The following ATE1 variants were observed in gnomAD, a reference collection of about 807,000 sequenced individuals.
ATE1 encodes the protein arginyltransferase 1, also known as arginyl-tRNA--protein transferase 1.
A neutral mutation model predicts 70.5 loss-of-function variants in ATE1; 36 were observed. The observed-to-expected ratio is 0.51, with a 90% CI of 0.39 to 0.67. ATE1 has a LOEUF of 0.67. ATE1 is among the 30% of genes least tolerant of loss of function. ATE1 has a pLI of 0.00. For synonymous variants in ATE1, 232 were observed against 219.3 expected (o/e 1.06, Z -0.51); for missense variants, 593 against 629.5 (o/e 0.94, Z 0.62).
intron 10 of ATE1, among the ~76,000 whole-genome samples, chr10:121,828,486 T>C (rs1948112427): frequency 6.6e-6 from 1 of 152,210 alleles, no homozygotes; most frequent in African/African-American, 2.4e-5. Flanking sequence ...GCTTCAGGCC[T>C]CATACAGTGG....
intron 7 of ATE1, among the ~76,000 whole-genome samples, chr10:121,883,498 A>G (rs1049462218): frequency 6.6e-6 from 1 of 152,226 alleles, no homozygotes; most frequent in African/African-American, 2.4e-5. Flanking sequence ...AACTTTAGAG[A>G]TAAAAGCAGT....
At chr10:121,824,865 G>A (rs1164097396) in intron 10 of ATE1, among the ~76,000 whole-genome samples, 2 of 151,708 alleles carry the variant, frequency 1.3e-5, no homozygotes, top group East Asian at 3.9e-4. Flanking sequence ...TAATCATTTT[G>A]AAATGAGAAG....
chr10:121,827,979 C>T (rs374991758), intron 10 of ATE1, among the ~76,000 whole-genome samples: 5 of 152,164 alleles, frequency 3.3e-5, no homozygotes, highest in African/African-American at 9.7e-5. Context: ...TATACTATGA[C>T]GATGACCACA....
At chr10:121,799,931 GA>G (rs1230633713) in intron 10 of ATE1, among the ~76,000 whole-genome samples, 3 of 151,998 alleles carry the variant, frequency 2.0e-5, no homozygotes, top group African/African-American at 7.2e-5. Context: ...TAACAATACT[GA>G]AAAATGCACT....
chr10:121,842,171 ATTATC>A (rs1392094667), intron 8 of ATE1, among the ~76,000 whole-genome samples: 2 of 152,172 alleles, frequency 1.3e-5, no homozygotes, highest in Non-Finnish European at 2.9e-5. Flanking sequence ...ATTCTTCATT[ATTATC>A]TTAATTTAAC....
At chr10:121,744,633 A>G (rs1383165875) in intron 11 of ATE1, among the ~76,000 whole-genome samples, 3 of 152,190 alleles carry the variant, frequency 2.0e-5, no homozygotes, top group Non-Finnish European at 2.9e-5. Flanking sequence ...ATGCACCCTC[A>G]TGGTCTTAGG....
chr10:121,761,184 A>T (rs1945024887), intron 11 of ATE1, among the ~76,000 whole-genome samples: 1 of 152,166 alleles, frequency 6.6e-6, no homozygotes, highest in African/African-American at 2.4e-5. Context: ...GGCCCTCATC[A>T]GAAGCTGAGC....
intron 10 of ATE1, among the ~76,000 whole-genome samples, chr10:121,816,817 C>T (rs551646379): frequency 3.9e-5 from 6 of 152,278 alleles, no homozygotes; most frequent in Middle Eastern, 3.4e-3. Flanking sequence ...TGACCCTGAA[C>T]GTGACTGATT....
At chr10:121,818,790 T>C (rs964141116) in intron 10 of ATE1, among the ~76,000 whole-genome samples, 11 of 152,192 alleles carry the variant, frequency 7.2e-5, no homozygotes, top group African/African-American at 2.4e-4. Flanking sequence ...GGCTAGTTCA[T>C]TTTCCTTCAC....
chr10:121,744,025 C>T (rs999335237), intron 11 of ATE1, among the ~76,000 whole-genome samples, 167 bp from the exon 12 acceptor site: 3 of 141,468 alleles, frequency 2.1e-5, no homozygotes, highest in East Asian at 2.2e-4. Context: ...CAAGTTAATG[C>T]GAGTCTCCTG....
chr10:121,755,935 T>A (rs1944781528), intron 11 of ATE1, among the ~76,000 whole-genome samples: 1 of 152,280 alleles, frequency 6.6e-6, no homozygotes, highest in East Asian at 1.9e-4. Flanking sequence ...AAACCAATTA[T>A]GCCTTCCCAA....
At chr10:121,860,654 T>C (rs1243655314) in intron 8 of ATE1, among the ~76,000 whole-genome samples, 2 of 152,246 alleles carry the variant, frequency 1.3e-5, no homozygotes, top group Non-Finnish European at 2.9e-5. Context: ...AATTTACTTC[T>C]GCATTTTTAC....
At chr10:121,916,702 G>A (rs1222376234) in intron 3 of ATE1, among the ~76,000 whole-genome samples, 1 of 152,086 alleles carries the variant, frequency 6.6e-6, no homozygotes, top group East Asian at 1.9e-4. Flanking sequence ...AGGTATGGTG[G>A]CACATGCCTG....
intron 5 of ATE1, among the ~76,000 whole-genome samples, chr10:121,907,994 C>T (rs563256909): frequency 6.6e-6 from 1 of 151,884 alleles, no homozygotes; most frequent in Admixed American, 6.6e-5. Flanking sequence ...GCTCCAGGAG[C>T]ATAATATCAT....
chr10:121,838,174 C>G (rs1244790015), intron 9 of ATE1, among the ~76,000 whole-genome samples: 1 of 152,126 alleles, frequency 6.6e-6, no homozygotes, highest in Non-Finnish European at 1.5e-5. Flanking sequence ...ATAATCTCCA[C>G]AGAACAGGCC....
Position 121,740,692 on chromosome 10 carries a change from T to C in ATE1, c.*2988A>G, listed in dbSNP as rs765357743. On this transcript the variant is annotated 3_prime_UTR_variant, in exon 12 of 12. Transcript: ENST00000224652. ...TATCTTTATTCATACTGAAATAATA[T>C]AAAGCCTATAAAATCAAAGCATATA... is the stretch of plus-strand genomic sequence containing the variant. 2 of 152,184 alleles carry C rather than the reference T, an allele frequency of 1.3e-5. No homozygotes were observed. Among genetic ancestry groups the C allele is most frequent in the African/African-American group, 2.4e-5 (1 of 41,450 alleles). 9.4% of individuals were successfully genotyped at this position (152,184 alleles called of 1,614,324 possible). A position where few individuals can be genotyped will look rare whatever the true frequency, so the allele number is the denominator to read the frequency against.
At chr10:121,920,996 TA>T (rs200052425) in intron 3 of ATE1, among the ~76,000 whole-genome samples, 20,663 of 142,208 alleles carry the variant, frequency 0.15, 1,525 homozygotes, top group East Asian at 0.19. Flanking sequence ...TCCGTCTCTT[TA>T]AAAAAAAAAA....
rs1026420212 is a variant in ATE1 at position 121,884,675 on chromosome 10, G to C, written c.943-14637C>G. ...AGAAAGATGAATGTTCCCAGTGCTA[G>C]TTTTGACTCCACCCCTTTGGATCTC... On this transcript the variant is annotated intron_variant, in intron 7 of 11. Coordinates refer to ENST00000224652, the MANE Select transcript of ATE1 (RefSeq NM_001001976.3). Among the ~76,000 whole-genome samples, 2 of 152,190 alleles carry C rather than the reference G, an allele frequency of 1.3e-5. 1 individual carries two copies. The highest frequency in any genetic ancestry group is 4.1e-4 in the South Asian group (2 of 4,830).
intron 7 of ATE1, among the ~76,000 whole-genome samples, chr10:121,876,225 G>T (rs1289286495): frequency 1.3e-5 from 2 of 152,104 alleles, no homozygotes; most frequent in Non-Finnish European, 2.9e-5. Context: ...TCTAGTATCT[G>T]CCCAGAATCA....
Sources: allele counts gnomAD v4.1 joint callset (sites outside exome capture counted in the v4.1 genomes callset), GRCh38; gene constraint gnomAD v4.1.1; transcripts MANE v1.5; gene names NCBI Gene and HGNC (gene_info 2026-07-23, HGNC 2026-07-21).